SLC2A14: variants seen among roughly 807,000 people sequenced by gnomAD.
The protein encoded by SLC2A14 is solute carrier family 2, facilitated glucose transporter member 14.
Under a neutral mutation model 43.0 loss-of-function variants are expected in SLC2A14, and 13 were observed. The observed-to-expected ratio is 0.30, with a 90% CI of 0.20 to 0.48. The LOEUF is 0.48. SLC2A14 is among the 20% of genes least tolerant of loss of function. The pLI is 0.99. For synonymous variants in SLC2A14, 190 were observed against 233.8 expected (o/e 0.81, Z 1.71); for missense variants, 428 against 620.4 (o/e 0.69, Z 3.29).
At chr12:7,846,412 A>G (rs1866469030) in intron 2 of SLC2A14, among the ~76,000 whole-genome samples, 1 of 152,026 alleles carries the variant, frequency 6.6e-6, no homozygotes, top group African/African-American at 2.4e-5. Flanking sequence ...GTTAAAAAAA[A>G]AAAAAACTTT....
upstream of SLC2A14, among the ~76,000 whole-genome samples, chr12:7,878,479 G>A (rs1468889443): frequency 6.6e-6 from 1 of 150,802 alleles, no homozygotes; most frequent in Non-Finnish European, 1.5e-5. Flanking sequence ...GGCTGGTCTT[G>A]AACTCCTAAC....
chr12:7,844,993 C>G (rs896084761), intron 2 of SLC2A14, among the ~76,000 whole-genome samples: 2 of 152,088 alleles, frequency 1.3e-5, no homozygotes. Context: ...TTTATAGGTG[C>G]AAAAACTGAA....
intron 5 of SLC2A14, among the ~76,000 whole-genome samples, chr12:7,829,329 GCGGGTGGATCAC>G (rs1864792680): frequency 6.6e-6 from 1 of 152,106 alleles, no homozygotes; most frequent in African/African-American, 2.4e-5. Context: ...GGAGGCCGAG[GCGGGTGGATCAC>G]CTGAGGTCAG....
chr12:7,889,717 G>A (rs992364862), intron 1 of SLC2A14, among the ~76,000 whole-genome samples: 2 of 150,896 alleles, frequency 1.3e-5, no homozygotes, highest in Non-Finnish European at 1.5e-5. Flanking sequence ...TGTATTTTTA[G>A]TAGAGACAGG....
chr12:7,843,958 G>T (rs5796295), intron 2 of SLC2A14, among the ~76,000 whole-genome samples: 68,981 of 142,648 alleles, frequency 0.48, 16,923 homozygotes, highest in Middle Eastern at 0.62. Context: ...TTCCTTTATT[G>T]TTGTCTTTTC....
chr12:7,821,730 T>C (rs888622706), intron 7 of SLC2A14, among the ~76,000 whole-genome samples: 1 of 152,172 alleles, frequency 6.6e-6, no homozygotes, highest in African/African-American at 2.4e-5. Context: ...CTCTTTTTCT[T>C]TTTTGACGGA....
intron 2 of SLC2A14, among the ~76,000 whole-genome samples, chr12:7,835,200 A>G (rs187474330): frequency 1.3e-5 from 2 of 152,304 alleles, no homozygotes; most frequent in Admixed American, 1.3e-4. Flanking sequence ...CAGCCTGACC[A>G]GTATGGTGAA....
intron 2 of SLC2A14, among the ~76,000 whole-genome samples, chr12:7,834,552 C>T (rs1172153409): frequency 5.1e-5 from 5 of 97,950 alleles, no homozygotes; most frequent in Non-Finnish European, 8.6e-5. Context: ...TTTTTGAGAC[C>T]CCTTCTCTAT....
At chr12:7,839,709 G>A (rs768337738) in intron 2 of SLC2A14, 4 of 382,526 alleles carry the variant, frequency 1.0e-5, no homozygotes, top group South Asian at 7.3e-5. Context: ...GATATTAAGA[G>A]GCAGGACCTT....
chr12:7,829,018 G>A (rs1864763600), intron 5 of SLC2A14, 152 bp from the exon 6 acceptor site: 1 of 928,392 alleles, frequency 1.1e-6, no homozygotes, highest in East Asian at 2.6e-5. Context: ...TTGAAGACCA[G>A]CCTGGCCAAG....
At chr12:7,883,946 C>T (rs947026772) in intron 1 of SLC2A14, among the ~76,000 whole-genome samples, 20 of 142,654 alleles carry the variant, frequency 1.4e-4, no homozygotes, top group African/African-American at 5.0e-4. Context: ...TTGTTTGAGG[C>T]GGAGCCTTGG....
intron 2 of SLC2A14, among the ~76,000 whole-genome samples, chr12:7,862,491 G>A (rs916398247): frequency 6.6e-6 from 1 of 151,986 alleles, no homozygotes; most frequent in Non-Finnish European, 1.5e-5. Context: ...CCTCCTGTGC[G>A]GACGAGCCTC....
chr12:7,832,844 A>C (rs1565521508), intron 2 of SLC2A14, 30 bp from the exon 3 acceptor site: 13 of 1,603,464 alleles, frequency 8.1e-6, no homozygotes, highest in Non-Finnish European at 1.1e-5. Context: ...GGAGGAGAGA[A>C]TAGTCCTTAA....
rs200064080 is a variant in SLC2A14 at position 7,832,772 on chromosome 12, C to T, written c.61G>A (p.Gly21Ser). The T allele has an allele frequency of 6.4e-5, 104 of 1,614,066 alleles. No individual in the cohort carries two copies. Among genetic ancestry groups the T allele is most frequent in the Middle Eastern group, 1.6e-4 (1 of 6,062 alleles). ...GTGTTGTAGCCAAACTGGAAAGAGC[C>T]GATTGTAGCAACTGTGATGGCAAAG... ...LIFAITVATIGSFQFGYNTGV... is the reference protein window; with the variant it reads ...LIFAITVATISSFQFGYNTGV... Residue 21 changes from glycine to serine, a missense_variant, in exon 3 of 11, where the codon GGC becomes AGC. This residue lies in a region of SLC2A14 where 122 missense variants were observed against 128.8 expected (regional missense o/e 0.95). Transcript: ENST00000431042.
At position 7,883,874 on chromosome 12, in the gene SLC2A14, C is replaced by T. The variant is rs1370785272; in HGVS notation, c.132+7122G>A. ...CTGGGATTACAGGCATGAGCCACCA[C>T]GCCTGGCCCACAAATGCTTTCTTAA... On this transcript the variant is annotated intron_variant, in intron 1 of 9. Coordinates refer to the SLC2A14 transcript ENST00000539924. Among the ~76,000 whole-genome samples the T allele has an allele frequency of 4.6e-5, 7 of 151,826 alleles. No individual in the cohort carries two copies. In the South Asian group the frequency reaches 6.2e-4, roughly 14 times the overall value.
At chr12:7,885,579 C>T (rs1024356572) in intron 1 of SLC2A14, among the ~76,000 whole-genome samples, 3 of 150,424 alleles carry the variant, frequency 2.0e-5, no homozygotes, top group Admixed American at 6.6e-5. Context: ...TGCTGCCAAG[C>T]ACCGTAGTCT....
chr12:7,857,330 T>C (rs945332411), intron 2 of SLC2A14, among the ~76,000 whole-genome samples: 23 of 152,094 alleles, frequency 1.5e-4, no homozygotes, highest in African/African-American at 5.6e-4. Flanking sequence ...GGCTCACGCC[T>C]GTAATCCTAG....
At chr12:7,829,183 G>C (rs773388666) in intron 5 of SLC2A14, among the ~76,000 whole-genome samples, 1 of 152,270 alleles carries the variant, frequency 6.6e-6, no homozygotes, top group South Asian at 2.1e-4. Flanking sequence ...CTGCCCTCCA[G>C]ACTGGGCGAC....
At chr12:7,832,879 T>G in intron 2 of SLC2A14, 65 bp from the exon 3 acceptor site, 1 of 1,490,974 alleles carries the variant, frequency 6.7e-7, no homozygotes, top group Non-Finnish European at 9.3e-7. Flanking sequence ...GACTGTTTCT[T>G]ATTAATTATG....
Sources: allele counts gnomAD v4.1 joint callset (sites outside exome capture counted in the v4.1 genomes callset), GRCh38; gene constraint gnomAD v4.1.1; regional missense constraint gnomAD v4.1.1; transcripts MANE v1.5; gene names NCBI Gene and HGNC (gene_info 2026-07-23, HGNC 2026-07-21).